The following ZSWIM9 variants were observed in gnomAD, a reference collection of about 807,000 sequenced individuals.
ZSWIM9 encodes uncharacterized protein ZSWIM9.
A neutral mutation model predicts 25.0 loss-of-function variants in ZSWIM9; 11 were observed. That is an observed-to-expected ratio of 0.44 (90% CI 0.28 to 0.73). The LOEUF is 0.73. Ranked by LOEUF, ZSWIM9 falls within the 30% of genes least tolerant of loss-of-function variation. The pLI, the probability that ZSWIM9 is intolerant of heterozygous loss-of-function variation, is 0.16. For synonymous variants in ZSWIM9, 562 were observed against 582.1 expected, an observed-to-expected ratio of 0.97 and a Z score of 0.50; for missense variants, 1,070 against 1,296.5, an observed-to-expected ratio of 0.83 and a Z score of 2.68.
intron 3 of ZSWIM9, among the ~76,000 whole-genome samples, chr19:48,192,701 T>G (rs2037113435): frequency 6.7e-6 from 1 of 150,344 alleles, no homozygotes; most frequent in Non-Finnish European, 1.5e-5. Flanking sequence ...CAGATGGGGG[T>G]CCCTAAGACC....
Position 48,196,214 on chromosome 19 carries a change from T to G in ZSWIM9, c.2150T>G (p.Leu717Arg). Residue 717 changes from leucine to arginine, a missense_variant, in exon 4 of 4, where the codon CTG becomes CGG. Physicochemically the swap from Leu to Arg is moderately radical, Grantham distance 102. Around this residue, in one of 4 missense-constraint regions of ZSWIM9, gnomAD observed 583 missense variants for 624.7 expected, o/e 0.93. Transcript: ENST00000614654. ...AGAAGGGGCCTGGAGGATATAGTTC[T>G]GGTCCAGCTGGGAGACACGAGGGTC... is the stretch of plus-strand genomic sequence containing the variant. ...KRRRGLEDIV[L>R]VQLGDTRVTG... The G allele has an allele frequency of 8.1e-7, 1 of 1,233,232 alleles. No individual in the cohort carries two copies. The highest frequency in any genetic ancestry group is 1.0e-6 in the Non-Finnish European group (1 of 989,134). The allele number at this position is 1,233,232 out of a possible 1,614,324, so 76.4% of individuals were successfully genotyped here.
At chr19:48,185,455 A>G (rs1377383099) in intron 3 of ZSWIM9, among the ~76,000 whole-genome samples, 1 of 152,208 alleles carries the variant, frequency 6.6e-6, no homozygotes. Context: ...CTTGAAAGAA[A>G]GGAGGAAGAA....
Position 48,194,844 on chromosome 19 carries a change from C to T in ZSWIM9, c.780C>T (p.Cys260=), listed in dbSNP as rs1367104594. Residue 260 remains cysteine (C), a synonymous_variant, in exon 4 of 4, where the codon TGC becomes TGT. Coordinates refer to ENST00000614654, the MANE Select transcript of ZSWIM9 (RefSeq NM_199341.4). The surrounding 1 kb of genome is among the most constrained non-coding windows in gnomAD (Gnocchi z 6.0). ...DGSGRARQAA[C]CVARPGTPSL... Reference sequence around the variant, plus strand: ...CGGGCCGTGCGCGCCAGGCTGCCTGCTGCGTGGCGCGCCCGGGCACACCGA... The same window carrying T: ...CGGGCCGTGCGCGCCAGGCTGCCTGTTGCGTGGCGCGCCCGGGCACACCGA... 2 of 1,381,400 alleles carry T rather than the reference C, an allele frequency of 1.4e-6. No individual in the cohort carries two copies. The highest frequency in any genetic ancestry group is 3.7e-5 in the Admixed American group (1 of 26,798). 85.6% of individuals were successfully genotyped at this position (1,381,400 alleles called of 1,614,324 possible).
At chr19:48,184,165 G>A (rs1179397450) in intron 3 of ZSWIM9, among the ~76,000 whole-genome samples, 1 of 151,920 alleles carries the variant, frequency 6.6e-6, no homozygotes, top group Non-Finnish European at 1.5e-5. Context: ...AGTTCTAAGG[G>A]TGCTGTTTGA....
chr19:48,197,290 AGG>A lies in ZSWIM9; in HGVS notation c.*466_*467del. On this transcript the variant is annotated 3_prime_UTR_variant, in exon 4 of 4. Coordinates refer to ENST00000614654, the MANE Select transcript of ZSWIM9 (RefSeq NM_199341.4). Reference sequence around the variant, plus strand: ...AGGAGGTAAGCGAGAAAAAATGGAAAGGGGAGCCGGAAATGGAGGAGAGAGGA... The same window carrying A: ...AGGAGGTAAGCGAGAAAAAATGGAAAGGAGCCGGAAATGGAGGAGAGAGGA... The A allele has an allele frequency of 1.4e-6, 1 of 702,692 alleles. No homozygotes were observed. Among genetic ancestry groups the A allele is most frequent in the Non-Finnish European group, 2.6e-6 (1 of 384,870 alleles). 43.5% of individuals were successfully genotyped at this position (702,692 alleles called of 1,614,324 possible).
intron 3 of ZSWIM9, among the ~76,000 whole-genome samples, chr19:48,183,261 T>TG (rs1444131853): frequency 6.6e-6 from 1 of 152,078 alleles, no homozygotes; most frequent in East Asian, 1.9e-4. Context: ...TCCGAGTACC[T>TG]GGGACTACAG....
chr19:48,183,018 A>G (rs891185118), intron 3 of ZSWIM9: 4 of 504,720 alleles, frequency 7.9e-6, no homozygotes, highest in African/African-American at 5.8e-5. Context: ...TCCAGGATGG[A>G]AACGTTCTGT....
intron 3 of ZSWIM9, chr19:48,187,548 T>TATAA (rs2037039432): frequency 6.0e-5 from 2 of 33,138 alleles, no homozygotes; most frequent in Admixed American, 6.5e-4. Context: ...TTATATTATA[T>TATAA]TATATATATT....
In ZSWIM9 at chr19:48,194,233, G is replaced by A. The variant is rs1207110446; in HGVS notation, c.589-420G>A. Among the ~76,000 whole-genome samples the A allele has an allele frequency of 6.6e-6, 1 of 152,126 alleles. No homozygotes were observed. The highest frequency in any genetic ancestry group is 1.5e-5 in the Non-Finnish European group (1 of 68,028). On this transcript the variant is annotated intron_variant, in intron 3 of 3. Transcript: ENST00000614654. This position sits in a 1 kb window ranked among gnomAD's most constrained non-coding sequence, Gnocchi z 6.0. ...AGAGTTTCAGACTCAGTGGGTCTGA[G>A]GTGGCCCCGAGAAGGTGCATTTCTG... is the stretch of plus-strand genomic sequence containing the variant.
rs1317639694 is a variant in ZSWIM9 at position 48,197,371 on chromosome 19, G to A, written c.*544G>A. ...AGGAAAAGCTGGGGGAAGCAGGAGA[G>A]GAAGGGACGGGATGTAGGAGGGGGA... On this transcript the variant is annotated 3_prime_UTR_variant, in exon 4 of 4. Transcript: ENST00000614654. 2 of 685,924 alleles carry A rather than the reference G, an allele frequency of 2.9e-6. No individual in the cohort carries two copies. The highest frequency in any genetic ancestry group is 5.4e-5 in the East Asian group (2 of 37,110). The allele number at this position is 685,924 out of a possible 1,614,324, so 42.5% of individuals were successfully genotyped here.
rs115581365 is a variant in ZSWIM9, at chr19:48,192,984, A to G, written c.589-1669A>G. 2.6e-3 allele frequency: 404 copies of G among 155,418 alleles called. 1 individual carries two copies. Among genetic ancestry groups the G allele is most frequent in the African/African-American group, 9.2e-3 (383 of 41,646 alleles). The allele number at this position is 155,418 out of a possible 1,614,324, so 9.6% of individuals were successfully genotyped here. On this transcript the variant is annotated intron_variant, in intron 3 of 3. Transcript: ENST00000614654. ...AGTTCTCCCAGCAATGACATGTGAC[A>G]ACAATGATGTATTGCTAGCCAGGGA...
chr19:48,188,902 G>C (rs1291140241), intron 3 of ZSWIM9, among the ~76,000 whole-genome samples: 2 of 151,830 alleles, frequency 1.3e-5, no homozygotes, highest in African/African-American at 4.8e-5. Context: ...GTGGTGGCAG[G>C]CGCCTGTAGT....
chr19:48,197,126 A>G lies in ZSWIM9; in HGVS notation c.*299A>G. The G allele has an allele frequency of 1.5e-6, 1 of 672,398 alleles. No individual in the cohort carries two copies. Among genetic ancestry groups the G allele is most frequent in the African/African-American group, 1.8e-5 (1 of 55,894 alleles). The allele number at this position is 672,398 out of a possible 1,614,324, so 41.7% of individuals were successfully genotyped here. On this transcript the variant is annotated 3_prime_UTR_variant, in exon 4 of 4. Transcript: ENST00000614654. ...TGTAGACAGGGTCAGGCTGGGACAG[A>G]AGGAAGGAAAGGGGCAGAGCTGGGG...
chr19:48,176,068 T>C lies in ZSWIM9; in HGVS notation c.275+3991T>C, dbSNP rs908817191. ...TAAAAATACAAAAATTAGCCGGGCC[T>C]GGTGGCAGGTGCCTGTAATCCCAGC... is the stretch of plus-strand genomic sequence containing the variant. On this transcript the variant is annotated intron_variant, in intron 2 of 3. Transcript: ENST00000614654. 2.6e-5 allele frequency among the ~76,000 whole-genome samples: 4 copies of C among 152,116 alleles called. No homozygotes were observed. In the East Asian group the frequency reaches 7.7e-4, roughly 29 times the overall value.
chr19:48,184,243 C>T (rs376125612), intron 3 of ZSWIM9, among the ~76,000 whole-genome samples: 2 of 151,926 alleles, frequency 1.3e-5, no homozygotes, highest in South Asian at 4.2e-4. Context: ...GGCAAGGGAC[C>T]CTCATTCTGT....
Position 48,182,373 on chromosome 19 carries a change from T to TAAAA in ZSWIM9, c.276-71_276-68dup, listed in dbSNP as rs11373236. ...TCTATGCCTGAAACAATTCTTAGTT[T>TAAAA]AAAAAAAAAAAAAAGGTGAGTGGAA... is the stretch of plus-strand genomic sequence containing the variant. On this transcript the variant is annotated intron_variant, in intron 2 of 3. Transcript: ENST00000614654. This position sits in a 1 kb window ranked among gnomAD's most constrained non-coding sequence, Gnocchi z 4.6. 8.4e-5 allele frequency: 87 copies of TAAAA among 1,030,386 alleles called. No individual in the cohort carries two copies. The highest frequency in any genetic ancestry group is 2.0e-4 in the African/African-American group (12 of 58,624). 63.8% of individuals were successfully genotyped at this position (1,030,386 alleles called of 1,614,324 possible).
rs1555787892 is a variant in ZSWIM9, at chr19:48,192,498, TACACACACAC to T, written c.589-2143_589-2134del. On this transcript the variant is annotated intron_variant, in intron 3 of 3. Coordinates refer to ENST00000614654, the MANE Select transcript of ZSWIM9 (RefSeq NM_199341.4). The stretch of plus-strand genomic sequence containing the variant: ...AAAAAAAAATATATATATATATATA[TACACACACAC>T]ACACACACACATTTACATAGCCCCG... 4.0e-3 allele frequency among the ~76,000 whole-genome samples: 84 copies of T among 20,770 alleles called. 8 individuals carry two copies. The highest frequency in any genetic ancestry group is 0.012 in the African/African-American group (82 of 7,104). 13.6% of individuals were successfully genotyped at this position (20,770 alleles called of 152,430 possible).
Position 48,194,536 on chromosome 19 carries a change from G to A in ZSWIM9, c.589-117G>A. On this transcript the variant is annotated intron_variant, in intron 3 of 3. Transcript: ENST00000614654. The surrounding 1 kb of genome is among the most constrained non-coding windows in gnomAD (Gnocchi z 6.0). ...GTCAAAAGAATAAATGCATATGCAG[G>A]CAAGAATGAATGGGTGGTCCCATTT... 9.3e-7 allele frequency: 1 copy of A among 1,073,788 alleles called. No individual in the cohort carries two copies. Among genetic ancestry groups the A allele is most frequent in the Non-Finnish European group, 1.2e-6 (1 of 815,182 alleles). The allele number at this position is 1,073,788 out of a possible 1,614,324, so 66.5% of individuals were successfully genotyped here. A position where few individuals can be genotyped will look rare whatever the true frequency, so the allele number is the denominator to read the frequency against.
Position 48,187,981 on chromosome 19 carries a change from T to TAGAC in ZSWIM9, c.588+5217_588+5218insCAGA, listed in dbSNP as rs1271571462. 8.7e-4 allele frequency among the ~76,000 whole-genome samples: 129 copies of TAGAC among 147,664 alleles called. 2 individuals are homozygous for TAGAC. Among genetic ancestry groups the TAGAC allele is most frequent in the Middle Eastern group, 3.5e-3 (1 of 288 alleles). ...ATAGATAGATAGATAGATAGATAGA[T>TAGAC]AGATAGACAGACAGACAGCAAGCTT... On this transcript the variant is annotated intron_variant, in intron 3 of 3. Transcript: ENST00000614654.
Sources: allele counts gnomAD v4.1 joint callset (sites outside exome capture counted in the v4.1 genomes callset), GRCh38; gene constraint gnomAD v4.1.1; regional missense constraint gnomAD v4.1.1; non-coding constraint Gnocchi (gnomAD v3.1); transcripts MANE v1.5; gene names NCBI Gene and HGNC (gene_info 2026-07-23, HGNC 2026-07-21).